Variants in AGBL1 observed in about 807,000 individuals in gnomAD.
AGBL1 encodes cytosolic carboxypeptidase 4.
In AGBL1, 130 loss-of-function variants were observed where a neutral mutation model predicts 118.9. The observed-to-expected ratio is 1.09, with a 90% confidence interval of 0.95 to 1.26. The LOEUF (loss-of-function observed/expected upper bound fraction) is 1.26, where lower values mean the gene tolerates loss of function less well. Ranked by LOEUF, AGBL1 falls within the 50% of genes most tolerant of loss-of-function variation. The pLI, the probability that AGBL1 is intolerant of heterozygous loss-of-function variation, is 0.00. For synonymous variants in AGBL1, 555 were observed against 478.9 expected (o/e 1.16, Z -2.08); for missense variants, 1,584 against 1,298.1 (o/e 1.22, Z -3.38).
intron 21 of AGBL1, among the ~76,000 whole-genome samples, chr15:86,603,175 T>C (rs545947741): frequency 6.6e-6 from 1 of 152,266 alleles, no homozygotes; most frequent in East Asian, 1.9e-4. Context: ...CCCCTCAACA[T>C]TTAGCCATCC....
At chr15:86,743,887 G>A (rs936706608) in intron 22 of AGBL1, among the ~76,000 whole-genome samples, 1 of 149,818 alleles carries the variant, frequency 6.7e-6, no homozygotes, top group South Asian at 2.1e-4. Context: ...ACACACACAC[G>A]TCTACACACA....
intron 21 of AGBL1, among the ~76,000 whole-genome samples, chr15:86,576,908 C>T (rs374720253): frequency 6.6e-6 from 1 of 152,258 alleles, no homozygotes; most frequent in Non-Finnish European, 1.5e-5. Context: ...ATGTGGTAAC[C>T]GTAAGTCCAA....
At chr15:86,330,329 G>A (rs574162617) in intron 17 of AGBL1, among the ~76,000 whole-genome samples, 9 of 152,278 alleles carry the variant, frequency 5.9e-5, no homozygotes, top group East Asian at 5.8e-4. Flanking sequence ...AAAACCTGCC[G>A]ACAGATGTGC....
chr15:86,634,539 G>A (rs114122339), intron 21 of AGBL1, among the ~76,000 whole-genome samples: 2,820 of 152,238 alleles, frequency 0.019, 103 homozygotes, highest in African/African-American at 0.064. Flanking sequence ...ATTACTGGTT[G>A]CCTGGAGCTA....
intron 15 of AGBL1, among the ~76,000 whole-genome samples, chr15:86,276,482 C>A (rs940431264): frequency 4.6e-5 from 7 of 152,100 alleles, no homozygotes; most frequent in African/African-American, 1.7e-4. Context: ...ATTGAACAAC[C>A]TAATTATTAC....
intron 22 of AGBL1, among the ~76,000 whole-genome samples, chr15:86,873,071 C>A (rs543303332): frequency 6.6e-6 from 1 of 152,312 alleles, no homozygotes; most frequent in South Asian, 2.1e-4. Context: ...AACCCCAGGT[C>A]TCCACAGGTG....
At chr15:86,487,026 C>T (rs2082721737) in intron 18 of AGBL1, among the ~76,000 whole-genome samples, 1 of 152,060 alleles carries the variant, frequency 6.6e-6, no homozygotes, top group African/African-American at 2.4e-5. Context: ...GCCGCACGCT[C>T]CTTGCTATAA....
At chr15:86,414,014 T>C (rs2081656338) in intron 18 of AGBL1, among the ~76,000 whole-genome samples, 1 of 152,182 alleles carries the variant, frequency 6.6e-6, no homozygotes, top group South Asian at 2.1e-4. Context: ...GAAATCATGT[T>C]ATTTGCTGCA....
At chr15:86,363,289 G>A (rs762122672) in intron 17 of AGBL1, among the ~76,000 whole-genome samples, 4 of 152,130 alleles carry the variant, frequency 2.6e-5, no homozygotes, top group South Asian at 2.1e-4. Flanking sequence ...TATCTTACTG[G>A]TGTCATTTAG....
At chr15:86,787,043 G>A (rs2078422553) in intron 22 of AGBL1, among the ~76,000 whole-genome samples, 1 of 152,094 alleles carries the variant, frequency 6.6e-6, no homozygotes, top group South Asian at 2.1e-4. Context: ...TTGCCTAATT[G>A]ATGTTGTTTG....
In AGBL1 at chr15:86,852,273, C is replaced by A. The variant is rs188667826; in HGVS notation, c.3159-54814C>A. Among the ~76,000 whole-genome samples, 19 of 152,240 alleles carry A rather than the reference C, an allele frequency of 1.2e-4. 1 individual carries two copies. The East Asian group carries it at 3.1e-3, about 25-fold the overall frequency. ...CAGACACTTATAAAACCATCAGGTC[C>A]TGTGAGAACTCACTCACTATTGTGA... On this transcript the variant is annotated intron_variant, in intron 22 of 22. Coordinates refer to ENST00000614907, the MANE Select transcript of AGBL1 (RefSeq NM_001386094.1).
intron 21 of AGBL1, among the ~76,000 whole-genome samples, chr15:86,644,577 A>G (rs1022858288): frequency 9.2e-5 from 14 of 151,904 alleles, no homozygotes; most frequent in Non-Finnish European, 1.3e-4. Flanking sequence ...CTTTCATTCA[A>G]CATTAGATTT....
intron 22 of AGBL1, among the ~76,000 whole-genome samples, chr15:86,783,581 A>T (rs2078365016): frequency 6.6e-6 from 1 of 152,166 alleles, no homozygotes; most frequent in South Asian, 2.1e-4. Flanking sequence ...CTATTTGAAA[A>T]TTATAATTAG....
At chr15:86,644,242 A>T (rs541544819) in intron 21 of AGBL1, among the ~76,000 whole-genome samples, 171 of 152,280 alleles carry the variant, frequency 1.1e-3, no homozygotes, top group African/African-American at 3.9e-3. Context: ...TTGACAAATA[A>T]TTGCTTGATT....
intron 22 of AGBL1, among the ~76,000 whole-genome samples, chr15:86,827,291 GTATATA>G (rs1182771082): frequency 6.7e-4 from 25 of 37,494 alleles, no homozygotes; most frequent in Non-Finnish European, 1.1e-3. Flanking sequence ...GGGTGTGTAT[GTATATA>G]TATATGTATA....
intron 6 of AGBL1, among the ~76,000 whole-genome samples, chr15:86,227,285 A>G (rs990835322): frequency 6.6e-6 from 1 of 152,228 alleles, no homozygotes; most frequent in Admixed American, 6.5e-5. Flanking sequence ...TGTATAGCCT[A>G]TTTGCTAATT....
intron 21 of AGBL1, among the ~76,000 whole-genome samples, chr15:86,612,283 C>T (rs1596309199): frequency 6.6e-6 from 1 of 152,054 alleles, no homozygotes; most frequent in Non-Finnish European, 1.5e-5. Context: ...CCAAAATATG[C>T]TAGCCACTTT....
intron 23 of AGBL1, among the ~76,000 whole-genome samples, chr15:86,986,502 A>G (rs117565151): frequency 0.025 from 3,773 of 152,202 alleles, 74 homozygotes; most frequent in Non-Finnish European, 0.038. Flanking sequence ...TTCATATAAT[A>G]TACATCTTAT....
At chr15:86,796,905 T>C (rs2078580610) in intron 22 of AGBL1, among the ~76,000 whole-genome samples, 2 of 152,166 alleles carry the variant, frequency 1.3e-5, no homozygotes, top group South Asian at 4.1e-4. Flanking sequence ...AGTTTATTTC[T>C]CAGAATCAAC....
Sources: gnomAD v4.1 joint callset for allele counts (sites outside exome capture counted in the v4.1 genomes callset) on GRCh38, gnomAD v4.1.1 for gene constraint, MANE v1.5 for transcripts, NCBI Gene and HGNC (gene_info 2026-07-23, HGNC 2026-07-21) for gene names.